Variants in REDIC1 observed in about 807,000 individuals in gnomAD.
REDIC1 encodes the protein regulator of DNA class I crossover intermediates 1.
the REDIC1 span, among the ~76,000 whole-genome samples, chr12:39,733,676 A>G: frequency 6.6e-5 from 10 of 152,180 alleles, no homozygotes; most frequent in African/African-American, 1.4e-4. Flanking sequence ...GCCCAGTTCA[A>G]ACTTTCCTGT....
At chr12:39,642,632 C>G in the REDIC1 span, among the ~76,000 whole-genome samples, 2 of 151,702 alleles carry the variant, frequency 1.3e-5, no homozygotes, top group Non-Finnish European at 3.0e-5. Context: ...ATTATAAGAT[C>G]TAGCATTGAC....
chr12:39,857,718 C>T, the REDIC1 span, among the ~76,000 whole-genome samples: 1 of 152,146 alleles, frequency 6.6e-6, no homozygotes, highest in Admixed American at 6.5e-5. Context: ...TGTATAAGGT[C>T]CTGAGATGTT....
the REDIC1 span, among the ~76,000 whole-genome samples, chr12:39,838,623 A>G: frequency 6.6e-6 from 1 of 152,212 alleles, no homozygotes; most frequent in East Asian, 1.9e-4. Flanking sequence ...CAATTAAAGT[A>G]AAAAAGAGCA....
the REDIC1 span, among the ~76,000 whole-genome samples, chr12:39,877,890 C>T: frequency 6.6e-6 from 1 of 152,164 alleles, no homozygotes; most frequent in African/African-American, 2.4e-5. Context: ...TGAGGTAGGG[C>T]ATGGTGGGAG....
chr12:39,639,334 C>T, the REDIC1 span, among the ~76,000 whole-genome samples: 1 of 151,884 alleles, frequency 6.6e-6, no homozygotes, highest in Admixed American at 6.6e-5. Flanking sequence ...TGGACTCTAG[C>T]GAGTCCACCC....
At chr12:39,696,949 C>A in the REDIC1 span, among the ~76,000 whole-genome samples, 1 of 151,940 alleles carries the variant, frequency 6.6e-6, no homozygotes, top group Non-Finnish European at 1.5e-5. Flanking sequence ...CTCAAGAGGG[C>A]AAATCTAAGA....
At chr12:39,896,279 CATGTATGTATATGTGTGTATA>C in the REDIC1 span, among the ~76,000 whole-genome samples, 1 of 79,964 alleles carries the variant, frequency 1.3e-5, no homozygotes, top group South Asian at 4.3e-4. Flanking sequence ...TATATGTATA[CATGTATGTATATGTGTGTATA>C]TATGTATACA....
At chr12:39,821,151 C>T in the REDIC1 span, among the ~76,000 whole-genome samples, 13 of 152,224 alleles carry the variant, frequency 8.5e-5, no homozygotes, top group South Asian at 2.3e-3. Context: ...CAGTGGCTCA[C>T]GCCTGTAATC....
chr12:39,754,361 G>C, the REDIC1 span: 1 of 152,070 alleles, frequency 6.6e-6, no homozygotes, highest in African/African-American at 2.4e-5. Context: ...TGTAATTCGT[G>C]GGATTTTCAA....
At chr12:39,646,742 A>G in the REDIC1 span, 3 of 771,722 alleles carry the variant, frequency 3.9e-6, no homozygotes, top group African/African-American at 1.8e-5. Context: ...TTAGGTTTCT[A>G]TATGTTTTGT....
chr12:39,868,051 TTTAG>T, the REDIC1 span, among the ~76,000 whole-genome samples: 1 of 152,228 alleles, frequency 6.6e-6, no homozygotes, highest in Non-Finnish European at 1.5e-5. Context: ...TTTACTTATA[TTTAG>T]TTAGTTACAG....
chr12:39,770,434 A>C, the REDIC1 span, among the ~76,000 whole-genome samples: 1 of 152,306 alleles, frequency 6.6e-6, no homozygotes, highest in Admixed American at 6.5e-5. Context: ...AGCCATATTC[A>C]TTCAAAAGCT....
the REDIC1 span, among the ~76,000 whole-genome samples, chr12:39,653,229 T>C: frequency 6.6e-6 from 1 of 152,112 alleles, no homozygotes; most frequent in East Asian, 1.9e-4. Flanking sequence ...ATTATGGTTT[T>C]CAGGCTATAA....
the REDIC1 span, among the ~76,000 whole-genome samples, chr12:39,751,982 C>T: frequency 1.1e-4 from 16 of 152,246 alleles, no homozygotes; most frequent in East Asian, 3.1e-3. Flanking sequence ...AGCACACCAG[C>T]ATGGCACATG....
the REDIC1 span, among the ~76,000 whole-genome samples, chr12:39,719,006 A>G: frequency 3.9e-5 from 6 of 152,310 alleles, no homozygotes; most frequent in East Asian, 1.2e-3. Flanking sequence ...CATAAAAGCT[A>G]CATTTTTAAT....
At chr12:39,812,995 A>ATTT in the REDIC1 span, among the ~76,000 whole-genome samples, 2 of 13,160 alleles carry the variant, frequency 1.5e-4, no homozygotes, top group Non-Finnish European at 1.7e-4. Context: ...ATGCCCAGCT[A>ATTT]ATTTTTTTTT....
the REDIC1 span, among the ~76,000 whole-genome samples, chr12:39,839,782 T>C: frequency 6.6e-6 from 1 of 152,082 alleles, no homozygotes; most frequent in Non-Finnish European, 1.5e-5. Flanking sequence ...CTTTCTTTCC[T>C]TTGTTTCTCT....
chr12:39,659,908 G>A, the REDIC1 span, among the ~76,000 whole-genome samples: 1 of 152,032 alleles, frequency 6.6e-6, no homozygotes, highest in Non-Finnish European at 1.5e-5. Flanking sequence ...AAACACTATG[G>A]TACTTGGAAA....
the REDIC1 span, among the ~76,000 whole-genome samples, chr12:39,811,022 T>C: frequency 6.6e-6 from 1 of 152,280 alleles, no homozygotes; most frequent in Middle Eastern, 3.4e-3. Flanking sequence ...TCTTTAAATA[T>C]CTGGTTTAAT....
Sources: gnomAD v4.1 joint callset for allele counts (sites outside exome capture counted in the v4.1 genomes callset) on GRCh38, gnomAD v4.1.1 for gene constraint, MANE v1.5 for transcripts, NCBI Gene and HGNC (gene_info 2026-07-23, HGNC 2026-07-21) for gene names.